Variants in FGF14 observed in about 807,000 individuals in gnomAD.
FGF14 encodes fibroblast growth factor 14.
Under a neutral mutation model 25.5 loss-of-function variants are expected in FGF14, and 5 were observed. That is an observed-to-expected ratio of 0.20 (90% CI 0.10 to 0.41). FGF14 has a LOEUF of 0.41. Ranked by LOEUF, FGF14 falls within the 10% of genes least tolerant of loss-of-function variation. The pLI is 1.00. For missense variants in FGF14, 222 were observed against 320.1 expected (o/e 0.69, Z 2.34); for synonymous variants, 138 against 118.3 (o/e 1.17, Z -1.08).
At chr13:102,087,575 CTTT>C (rs1166446102) in intron 1 of FGF14, among the ~76,000 whole-genome samples, 5,698 of 79,722 alleles carry the variant, frequency 0.071, 108 homozygotes, top group East Asian at 0.15. Flanking sequence ...CCATGCCTGG[CTTT>C]TTTTTTTTTT....
intron 1 of FGF14, among the ~76,000 whole-genome samples, chr13:101,985,252 G>C (rs1487403550): frequency 6.6e-6 from 1 of 151,798 alleles, no homozygotes; most frequent in East Asian, 1.9e-4. Context: ...CAATCCACTG[G>C]CAATTTCTAA....
intron 1 of FGF14, among the ~76,000 whole-genome samples, chr13:102,126,114 G>A (rs1222374665): frequency 1.3e-5 from 2 of 152,046 alleles, no homozygotes; most frequent in Non-Finnish European, 2.9e-5. Flanking sequence ...ACAGTTCAGT[G>A]GCATTAATTA....
chr13:101,873,509 C>T (rs1197196770), intron 2 of FGF14, among the ~76,000 whole-genome samples: 2 of 152,050 alleles, frequency 1.3e-5, no homozygotes, highest in African/African-American at 4.8e-5. Context: ...CTAGTTATTA[C>T]GTTCTAATCC....
At chr13:101,872,727 G>T (rs2045173785) in intron 2 of FGF14, among the ~76,000 whole-genome samples, 1 of 151,988 alleles carries the variant, frequency 6.6e-6, no homozygotes, top group Non-Finnish European at 1.5e-5. Context: ...AGGGAATATT[G>T]ATTTTACCCA....
At chr13:102,003,956 G>T (rs2039646291) in intron 1 of FGF14, among the ~76,000 whole-genome samples, 1 of 152,062 alleles carries the variant, frequency 6.6e-6, no homozygotes, top group Non-Finnish European at 1.5e-5. Flanking sequence ...TGCTTTTGTT[G>T]TTTTCTCAAA....
chr13:102,025,743 G>A (rs2040890360), intron 1 of FGF14, among the ~76,000 whole-genome samples: 1 of 151,914 alleles, frequency 6.6e-6, no homozygotes. Context: ...TTATTTTTAA[G>A]TGTTATTCTT....
chr13:101,882,610 TA>T (rs903401749), intron 1 of FGF14, among the ~76,000 whole-genome samples: 1 of 151,918 alleles, frequency 6.6e-6, no homozygotes, highest in Non-Finnish European at 1.5e-5. Flanking sequence ...TGTTTTATGT[TA>T]AAAAAATAAG....
rs1336721104 is a variant in FGF14, at chr13:101,868,707, CT to C, written c.408+17del. The C allele has an allele frequency of 6.9e-7, 1 of 1,446,478 alleles. No individual in the cohort carries two copies. Among genetic ancestry groups the C allele is most frequent in the Non-Finnish European group, 9.7e-7 (1 of 1,027,410 alleles). The allele number at this position is 1,446,478 out of a possible 1,614,324, so 89.6% of individuals were successfully genotyped here. A position where few individuals can be genotyped will look rare whatever the true frequency, so the allele number is the denominator to read the frequency against. ...CATGCATTGAACGAATGGCCGAGAT[CT>C]TTGGCGTCTTACTTACTGATGGGTA... On this transcript the variant is annotated intron_variant, in intron 3 of 4. Coordinates refer to ENST00000376143, the MANE Select transcript of FGF14 (RefSeq NM_004115.4).
intron 1 of FGF14, chr13:102,394,827 C>G (rs553002228): frequency 7.1e-4 from 109 of 152,502 alleles, no homozygotes; most frequent in African/African-American, 2.4e-3. Flanking sequence ...ACCCGGATTA[C>G]CGAGGGGTTC....
intron 1 of FGF14, among the ~76,000 whole-genome samples, chr13:101,890,975 T>A (rs116532330): frequency 0.015 from 2,281 of 152,120 alleles, 70 homozygotes; most frequent in African/African-American, 0.051. Flanking sequence ...GTCTACCCCA[T>A]CAAGGTAGGA....
At position 101,713,595 on chromosome 13, in the gene FGF14, AG is replaced by A. The variant is rs376830351; in HGVS notation, c.*9235del. 1 of 152,136 alleles carries A rather than the reference AG, an allele frequency of 6.6e-6. No individual in the cohort carries two copies. The highest frequency in any genetic ancestry group is 2.1e-4 in the South Asian group (1 of 4,830). 9.4% of individuals were successfully genotyped at this position (152,136 alleles called of 1,614,324 possible). ...GTCGTTGAGGCAGTTTTTCCATGTA[AG>A]GGTTTTTAGTCTGTCATGGAAAGCT... is the stretch of plus-strand genomic sequence containing the variant. On this transcript the variant is annotated 3_prime_UTR_variant, in exon 5 of 5. Transcript: ENST00000376143.
intron 3 of FGF14, among the ~76,000 whole-genome samples, chr13:101,848,300 TA>T (rs1448100774): frequency 6.6e-6 from 1 of 151,752 alleles, no homozygotes; most frequent in African/African-American, 2.4e-5. Context: ...AAAGAGGAAA[TA>T]AAAAAAATTA....
chr13:102,329,813 C>T (rs555723951), intron 1 of FGF14, among the ~76,000 whole-genome samples: 78 of 152,180 alleles, frequency 5.1e-4, no homozygotes, highest in African/African-American at 1.6e-3. Context: ...CCATTCATCT[C>T]CTCACCCTTT....
At chr13:102,326,696 A>AAGGGAAGGAAGGT (rs746269377) in intron 1 of FGF14, among the ~76,000 whole-genome samples, 20 of 38,636 alleles carry the variant, frequency 5.2e-4, no homozygotes, top group African/African-American at 3.1e-3. Flanking sequence ...AAGGGAAGGG[A>AAGGGAAGGAAGGT]AGGAAGGAAG....
At chr13:102,146,771 C>T (rs74109505) in intron 1 of FGF14, among the ~76,000 whole-genome samples, 3,770 of 152,170 alleles carry the variant, frequency 0.025, 135 homozygotes, top group African/African-American at 0.086. Flanking sequence ...GAGTTTCAAA[C>T]GATAAAAATA....
chr13:101,987,403 T>C (rs2038646609), intron 1 of FGF14, among the ~76,000 whole-genome samples: 1 of 152,104 alleles, frequency 6.6e-6, no homozygotes, highest in Non-Finnish European at 1.5e-5. Context: ...TCTTCTTTCA[T>C]TTCCTTTAAG....
chr13:101,764,915 A>G (rs773489054), intron 3 of FGF14, among the ~76,000 whole-genome samples: 2 of 152,220 alleles, frequency 1.3e-5, no homozygotes, highest in African/African-American at 2.4e-5. Flanking sequence ...CCACTAAATG[A>G]TAGTGATCCC....
chr13:102,255,192 C>A (rs181082284), intron 1 of FGF14, among the ~76,000 whole-genome samples: 1 of 152,248 alleles, frequency 6.6e-6, no homozygotes, highest in East Asian at 1.9e-4. Flanking sequence ...TTCTATTACT[C>A]CTTTGGCCAC....
At chr13:102,366,124 C>A (rs1406469008) in intron 1 of FGF14, among the ~76,000 whole-genome samples, 2 of 152,118 alleles carry the variant, frequency 1.3e-5, no homozygotes, top group Non-Finnish European at 2.9e-5. Flanking sequence ...GTTATTAAAA[C>A]AGCGATATTA....
Sources: gnomAD v4.1 joint callset for allele counts (sites outside exome capture counted in the v4.1 genomes callset) on GRCh38, gnomAD v4.1.1 for gene constraint, MANE v1.5 for transcripts, NCBI Gene and HGNC (gene_info 2026-07-23, HGNC 2026-07-21) for gene names.